ERGIC1: variants seen among roughly 807,000 people sequenced by gnomAD.
ERGIC1 encodes the protein endoplasmic reticulum-Golgi intermediate compartment protein 1.
A neutral mutation model predicts 38.3 loss-of-function variants in ERGIC1; 19 were observed. The observed-to-expected ratio is 0.50, with a 90% CI of 0.35 to 0.73. The LOEUF (loss-of-function observed/expected upper bound fraction) is 0.73, where lower values mean the gene tolerates loss of function less well. Ranked by LOEUF, ERGIC1 falls within the 30% of genes least tolerant of loss-of-function variation. The pLI, the probability that ERGIC1 is intolerant of heterozygous loss-of-function variation, is 0.01. For synonymous variants in ERGIC1, 124 were observed against 157.6 expected, an observed-to-expected ratio of 0.79 and a Z score of 1.60; for missense variants, 294 against 389.2, an observed-to-expected ratio of 0.76 and a Z score of 2.06.
intron 1 of ERGIC1, among the ~76,000 whole-genome samples, chr5:172,861,579 G>T (rs1761701970): frequency 6.6e-6 from 1 of 152,226 alleles, no homozygotes; most frequent in Non-Finnish European, 1.5e-5. Context: ...GCATCACACT[G>T]ATCTACTAAC....
At chr5:172,872,003 T>C (rs1762026559) in intron 1 of ERGIC1, among the ~76,000 whole-genome samples, 2 of 152,156 alleles carry the variant, frequency 1.3e-5, no homozygotes, top group South Asian at 4.1e-4. Flanking sequence ...CACCTTTTCA[T>C]TTGTGAGCCA....
At chr5:172,901,415 G>A (rs1762873349) in intron 3 of ERGIC1, among the ~76,000 whole-genome samples, 1 of 152,074 alleles carries the variant, frequency 6.6e-6, no homozygotes, top group Non-Finnish European at 1.5e-5. Flanking sequence ...GCCTCTGACT[G>A]CCCAGTCTCT....
rs1761063137 is a variant in ERGIC1, at chr5:172,837,444, C to G, written c.20+3011C>G. On this transcript the variant is annotated intron_variant, in intron 1 of 9. Coordinates refer to ENST00000393784, the MANE Select transcript of ERGIC1 (RefSeq NM_001031711.3). This position sits in a 1 kb window ranked among gnomAD's most constrained non-coding sequence, Gnocchi z 4.3. ...AATTCACTTAATTATCATGCTGCTTCTCTCTCCCTCCCATTAGTACATGAG... is the reference window on the plus strand; with the variant it reads ...AATTCACTTAATTATCATGCTGCTTGTCTCTCCCTCCCATTAGTACATGAG... Among the ~76,000 whole-genome samples, 1 of 152,216 alleles carries G rather than the reference C, an allele frequency of 6.6e-6. No homozygotes were observed. Among genetic ancestry groups the G allele is most frequent in the East Asian group, 1.9e-4 (1 of 5,202 alleles).
At chr5:172,873,295 C>G (rs1317551907) in intron 1 of ERGIC1, among the ~76,000 whole-genome samples, 2 of 152,232 alleles carry the variant, frequency 1.3e-5, no homozygotes, top group African/African-American at 2.4e-5. Flanking sequence ...TTGCTCCCCC[C>G]AGCCCAGCAC....
chr5:172,847,614 A>C (rs1397517960), intron 1 of ERGIC1, among the ~76,000 whole-genome samples: 2 of 152,088 alleles, frequency 1.3e-5, no homozygotes, highest in African/African-American at 4.8e-5. Context: ...CCCGGGTTCA[A>C]GTGATTCTTC....
chr5:172,857,586 G>A, intron 1 of ERGIC1, among the ~76,000 whole-genome samples: 1 of 74,812 alleles, frequency 1.3e-5, no homozygotes, highest in East Asian at 6.2e-4. Flanking sequence ...GCTAATAATG[G>A]TGCCCCCCCC....
At chr5:172,880,472 A>T (rs916564321) in intron 1 of ERGIC1, among the ~76,000 whole-genome samples, 1 of 151,530 alleles carries the variant, frequency 6.6e-6, no homozygotes, top group African/African-American at 2.4e-5. Flanking sequence ...ACTACAGGCG[A>T]CCACCACCAC....
At chr5:172,850,107 C>G (rs1004196819) in intron 1 of ERGIC1, among the ~76,000 whole-genome samples, 1 of 152,112 alleles carries the variant, frequency 6.6e-6, no homozygotes, top group Non-Finnish European at 1.5e-5. Context: ...GGTTCAGTGT[C>G]GCCCTGATGT....
intron 9 of ERGIC1, among the ~76,000 whole-genome samples, chr5:172,949,654 G>GC (rs1554114786): frequency 8.9e-6 from 1 of 112,784 alleles, no homozygotes; most frequent in Non-Finnish European, 1.9e-5. Flanking sequence ...TCACAGCGTG[G>GC]CGGGGGGGGG....
Position 172,944,610 on chromosome 5 carries a change from C to T in ERGIC1, c.766-6099C>T, listed in dbSNP as rs371473101. The stretch of plus-strand genomic sequence containing the variant: ...CCCACCTCAGGTGATCCACCCACCT[C>T]GGCCTCCCAAAGTGCTGGGATTACA... On this transcript the variant is annotated intron_variant, in intron 9 of 9. Coordinates refer to ENST00000393784, the MANE Select transcript of ERGIC1 (RefSeq NM_001031711.3). 3.9e-5 allele frequency among the ~76,000 whole-genome samples: 6 copies of T among 152,358 alleles called. No individual in the cohort carries two copies. The South Asian group carries it at 8.3e-4, about 21-fold the overall frequency.
chr5:172,944,784 G>A (rs1282739037), intron 9 of ERGIC1, among the ~76,000 whole-genome samples: 6 of 152,332 alleles, frequency 3.9e-5, no homozygotes, highest in Middle Eastern at 3.4e-3. Flanking sequence ...CTATGGCATC[G>A]CTTTCCAGGT....
intron 6 of ERGIC1, among the ~76,000 whole-genome samples, chr5:172,925,390 A>C (rs1406997193): frequency 6.6e-6 from 1 of 152,180 alleles, no homozygotes; most frequent in Non-Finnish European, 1.5e-5. Context: ...GGTCAGTCTC[A>C]AGACAGCAAA....
At chr5:172,918,654 C>T (rs1205857079) in intron 5 of ERGIC1, among the ~76,000 whole-genome samples, 4 of 152,230 alleles carry the variant, frequency 2.6e-5, no homozygotes, top group African/African-American at 4.8e-5. Context: ...CTCCAGAAAA[C>T]GCTGATGATG....
chr5:172,849,807 G>T (rs976988933), intron 1 of ERGIC1, among the ~76,000 whole-genome samples: 1 of 152,334 alleles, frequency 6.6e-6, no homozygotes, highest in East Asian at 1.9e-4. Context: ...TTTCTGGAAG[G>T]CAGGGAGGAA....
intron 1 of ERGIC1, chr5:172,867,693 TG>T (rs1761902801): frequency 3.7e-6 from 1 of 269,144 alleles, no homozygotes; most frequent in Non-Finnish European, 7.6e-6. Context: ...ATCCTGGTGC[TG>T]GGCAGTGGGT....
In ERGIC1 at chr5:172,834,580, G is replaced by GGCCC. The variant is rs1288912579; in HGVS notation, c.20+147_20+148insGCCC. ...GCAGGCCCCTAGGGACCCCAGGCGA[G>GGCCC]CCCCCCCCCTGCCGCACACGAAGCC... On this transcript the variant is annotated intron_variant, in intron 1 of 9. Transcript: ENST00000393784. The surrounding 1 kb of genome is among the most constrained non-coding windows in gnomAD (Gnocchi z 4.1). 1 of 522,342 alleles carries GGCCC rather than the reference G, an allele frequency of 1.9e-6. No individual in the cohort carries two copies. The highest frequency in any genetic ancestry group is 2.7e-6 in the Non-Finnish European group (1 of 374,490). 32.4% of individuals were successfully genotyped at this position (522,342 alleles called of 1,614,324 possible).
rs147824427 is a variant in ERGIC1 at position 172,913,867 on chromosome 5, G to T, written c.251-847G>T. Among the ~76,000 whole-genome samples the T allele has an allele frequency of 4.0e-3, 605 of 152,266 alleles. 3 individuals carry two copies. The highest frequency in any genetic ancestry group is 0.014 in the African/African-American group (588 of 41,540). ...GTAGCATAGGCGATGGGTAAAGGAA[G>T]GTGTGAATGAATGAATAAGTGAATG... On this transcript the variant is annotated intron_variant, in intron 4 of 9. Transcript: ENST00000393784.
intron 1 of ERGIC1, among the ~76,000 whole-genome samples, chr5:172,855,882 G>A (rs60606600): frequency 0.034 from 5,162 of 152,324 alleles, 138 homozygotes; most frequent in African/African-American, 0.081. Context: ...GGTGCAGCCC[G>A]GCGGGGGCCA....
At position 172,866,504 on chromosome 5, in the gene ERGIC1, T is replaced by C. The variant is rs565344729; in HGVS notation, c.21-22195T>C. ...GGAAGAAAATGCTTGTGGTCCTCCA[T>C]GTACCCTACACCCTGCAGCTGCGTC... On this transcript the variant is annotated intron_variant, in intron 1 of 9. Coordinates refer to ENST00000393784, the MANE Select transcript of ERGIC1 (RefSeq NM_001031711.3). Among the ~76,000 whole-genome samples, 93 of 152,316 alleles carry C rather than the reference T, an allele frequency of 6.1e-4. 2 individuals carry two copies. In the South Asian group the frequency reaches 0.018, roughly 30 times the overall value.
Sources: gnomAD v4.1 joint callset for allele counts (sites outside exome capture counted in the v4.1 genomes callset) on GRCh38, gnomAD v4.1.1 for gene constraint, Gnocchi (gnomAD v3.1) non-coding constraint, MANE v1.5 for transcripts, NCBI Gene and HGNC (gene_info 2026-07-23, HGNC 2026-07-21) for gene names.